ETFA: variants seen among roughly 807,000 people sequenced by gnomAD.
ETFA encodes the protein electron transfer flavoprotein subunit alpha, mitochondrial.
In ETFA, 22 loss-of-function variants were observed where a neutral mutation model predicts 46.2. The ratio of observed to expected loss-of-function variants is 0.48; its 90% CI spans 0.34 to 0.68. The LOEUF is 0.68. Among genes scored for constraint, ETFA ranks in the 30% least tolerant of loss-of-function variants. The pLI is 0.01. For synonymous variants in ETFA, 131 were observed against 139.9 expected, an observed-to-expected ratio of 0.94 and a Z score of 0.45; for missense variants, 345 against 401.1, an observed-to-expected ratio of 0.86 and a Z score of 1.19.
intron 10 of ETFA, chr15:76,228,050 T>A: frequency 4.5e-6 from 2 of 445,116 alleles, no homozygotes; most frequent in Non-Finnish European, 9.1e-6. Context: ...CTTTTGGGAA[T>A]GTGTAACCTG....
chr15:76,271,033 G>A (rs1163723619), intron 9 of ETFA, among the ~76,000 whole-genome samples: 4 of 151,972 alleles, frequency 2.6e-5, no homozygotes, highest in Non-Finnish European at 4.4e-5. Context: ...AGTTGGGCGG[G>A]TTGGTGCATG....
chr15:76,300,714 T>A (rs1201404962), intron 1 of ETFA, among the ~76,000 whole-genome samples: 1 of 152,214 alleles, frequency 6.6e-6, no homozygotes, highest in Non-Finnish European at 1.5e-5. Flanking sequence ...CTAGACTCCT[T>A]AGGTTGGTTT....
At position 76,231,384 on chromosome 15, in the gene ETFA, A is replaced by C; in HGVS notation, c.831T>G (p.Ala277=). 2 of 1,599,950 alleles carry C rather than the reference A, an allele frequency of 1.3e-6. No individual in the cohort carries two copies. The highest frequency in any genetic ancestry group is 1.7e-6 in the Non-Finnish European group (2 of 1,167,192). The part of the protein sequence containing the change: ...GKIVAPELYI[A]VGISGAIQHL... Reference sequence around the variant, plus strand: ...GTTGGATGGCTCCAGATATTCCAACAGCAATATAAAGTTCCTGAAATAAAA... The same window carrying C: ...GTTGGATGGCTCCAGATATTCCAACCGCAATATAAAGTTCCTGAAATAAAA... The change falls in exon 10 of 12, where the codon GCT becomes GCG. Residue 277 remains alanine (A), a synonymous_variant. Transcript: ENST00000557943.
intron 1 of ETFA, among the ~76,000 whole-genome samples, chr15:76,303,728 G>A (rs2039906025): frequency 6.6e-6 from 1 of 152,152 alleles, no homozygotes; most frequent in African/African-American, 2.4e-5. Flanking sequence ...TTAGAGAAAT[G>A]CAAATAAAAA....
chr15:76,288,920 CTTTT>C (rs35295593), intron 4 of ETFA, among the ~76,000 whole-genome samples: 2 of 110,092 alleles, frequency 1.8e-5, no homozygotes, highest in South Asian at 3.2e-4. Context: ...TCTTCTTCTT[CTTTT>C]TTTTTTTTTT....
intron 2 of ETFA, 79 bp downstream of exon 2, chr15:76,295,512 G>T: frequency 8.0e-7 from 1 of 1,251,916 alleles, no homozygotes; most frequent in Non-Finnish European, 1.2e-6. Context: ...ACAATCCTAA[G>T]CATAATTCTC....
chr15:76,283,340 C>T (rs1374619069), intron 8 of ETFA, among the ~76,000 whole-genome samples: 1 of 152,110 alleles, frequency 6.6e-6, no homozygotes, highest in Admixed American at 6.6e-5. Context: ...TACAAGCACA[C>T]ACCAATATGC....
At chr15:76,295,027 G>A (rs1451329162) in intron 2 of ETFA, among the ~76,000 whole-genome samples, 3 of 152,138 alleles carry the variant, frequency 2.0e-5, no homozygotes, top group Non-Finnish European at 2.9e-5. Flanking sequence ...CAGGCTGGTG[G>A]TATAGACCCT....
At chr15:76,216,642 T>G in intron 11 of ETFA, 45 bp from the exon 12 acceptor site, 1 of 1,249,242 alleles carries the variant, frequency 8.0e-7, no homozygotes, top group Non-Finnish European at 1.2e-6. Context: ...GAGCCTTCAC[T>G]GTGATATGGT....
At chr15:76,274,596 A>G (rs1184234879) in intron 8 of ETFA, 102 bp from the exon 9 acceptor site, 1 of 922,100 alleles carries the variant, frequency 1.1e-6, no homozygotes, top group Non-Finnish European at 1.7e-6. Context: ...TAGAATTCTA[A>G]GTACTAGTAT....
At chr15:76,227,265 C>G (rs1294909800) in intron 10 of ETFA, among the ~76,000 whole-genome samples, 2 of 151,892 alleles carry the variant, frequency 1.3e-5, no homozygotes, top group Non-Finnish European at 2.9e-5. Context: ...GCCTGTAATC[C>G]CAGCACTTTG....
rs1354828653 is a variant in ETFA at position 76,292,472 on chromosome 15, T to G, written c.310A>C (p.Asn104His). 1.9e-6 allele frequency: 3 copies of G among 1,613,914 alleles called. No homozygotes were observed. The highest frequency in any genetic ancestry group is 1.7e-6 in the Non-Finnish European group (2 of 1,179,846). Reference sequence around the variant, plus strand: ...GCTCCAGCACAGATGTGTGTGTAATTGAACTGCTTCTGAGTTGCCAAAATC... The same window carrying G: ...GCTCCAGCACAGATGTGTGTGTAATGGAACTGCTTCTGAGTTGCCAAAATC... ...PLILATQKQF[N>H]YTHICAGASA... The change falls in exon 4 of 12, where the codon AAT (asparagine) becomes CAT (histidine). Residue 104 changes from asparagine (N) to histidine (H), a missense_variant. Transcript: ENST00000557943.
At chr15:76,295,567 T>C in intron 2 of ETFA, 24 bp downstream of exon 2, 1 of 1,602,398 alleles carries the variant, frequency 6.2e-7, no homozygotes, top group Non-Finnish European at 8.6e-7. Flanking sequence ...ATATTTGCTA[T>C]GGCTGACCTT....
intron 10 of ETFA, among the ~76,000 whole-genome samples, chr15:76,226,937 G>C (rs993088778): frequency 6.6e-6 from 1 of 152,072 alleles, no homozygotes; most frequent in African/African-American, 2.4e-5. Context: ...AATTATTCTG[G>C]GATATTCTAA....
intron 1 of ETFA, among the ~76,000 whole-genome samples, chr15:76,300,299 A>G (rs935138261): frequency 4.6e-5 from 7 of 152,116 alleles, no homozygotes; most frequent in African/African-American, 1.7e-4. Context: ...CAGCAAATTT[A>G]AACTTTAACT....
intron 9 of ETFA, among the ~76,000 whole-genome samples, chr15:76,272,222 CT>C (rs561675037): frequency 2.0e-3 from 273 of 137,258 alleles, no homozygotes; most frequent in Middle Eastern, 7.4e-3. Flanking sequence ...TTCTTTCTTT[CT>C]TTTTTTTTTT....
chr15:76,223,193 A>C (rs972482898), intron 11 of ETFA, among the ~76,000 whole-genome samples: 2 of 150,540 alleles, frequency 1.3e-5, no homozygotes, highest in Admixed American at 1.3e-4. Context: ...TTAATCAAAT[A>C]CATATATAAC....
At chr15:76,256,349 G>C (rs772768369) in intron 9 of ETFA, among the ~76,000 whole-genome samples, 1 of 151,638 alleles carries the variant, frequency 6.6e-6, no homozygotes, top group Admixed American at 6.6e-5. Flanking sequence ...GACAAACTGT[G>C]AAGAATGTAG....
chr15:76,268,556 C>G (rs1295635827), intron 9 of ETFA, among the ~76,000 whole-genome samples: 9 of 152,160 alleles, frequency 5.9e-5, no homozygotes, highest in Admixed American at 2.0e-4. Context: ...CTTAATGGAC[C>G]AATGTTTTCT....
Sources: gnomAD v4.1 joint callset for allele counts (sites outside exome capture counted in the v4.1 genomes callset) on GRCh38, gnomAD v4.1.1 for gene constraint, MANE v1.5 for transcripts, NCBI Gene and HGNC (gene_info 2026-07-23, HGNC 2026-07-21) for gene names.